Variants in SNX10 observed in about 807,000 individuals in gnomAD.
SNX10 encodes sorting nexin-10.
SNX10 carries 25 observed loss-of-function variants against 28.5 expected under a neutral mutation model. That is an observed-to-expected ratio of 0.88 (90% CI 0.64 to 1.22). The LOEUF (loss-of-function observed/expected upper bound fraction) is 1.22. Ranked by LOEUF, SNX10 falls within the 50% of genes most tolerant of loss-of-function variation. SNX10 has a pLI of 0.00. For missense variants in SNX10, 223 were observed against 242.6 expected (o/e 0.92, Z 0.54); for synonymous variants, 62 against 81.4 (o/e 0.76, Z 1.28).
chr7:26,326,894 TA>T (rs952160530), intron 1 of SNX10, among the ~76,000 whole-genome samples: 13 of 151,660 alleles, frequency 8.6e-5, no homozygotes, highest in African/African-American at 2.9e-4. Context: ...AGGATATATG[TA>T]AAGTGCTTAG....
intron 1 of SNX10, among the ~76,000 whole-genome samples, chr7:26,292,490 G>C (rs982219793): frequency 2.0e-5 from 3 of 152,130 alleles, no homozygotes; most frequent in African/African-American, 7.2e-5. Context: ...ATTCATTAAC[G>C]GGTAGCCTTG....
chr7:26,346,712 G>C (rs747678606), intron 2 of SNX10, among the ~76,000 whole-genome samples: 1 of 152,160 alleles, frequency 6.6e-6, no homozygotes, highest in Non-Finnish European at 1.5e-5. Context: ...ATTCTCCCAG[G>C]CTCTGCCTCC....
chr7:26,368,277 A>C (rs536388019), intron 5 of SNX10, among the ~76,000 whole-genome samples: 1 of 152,284 alleles, frequency 6.6e-6, no homozygotes, highest in East Asian at 1.9e-4. Context: ...AATTAGCAGT[A>C]CTCTTAAATG....
intron 1 of SNX10, among the ~76,000 whole-genome samples, chr7:26,306,412 A>AT (rs35204396): frequency 0.39 from 55,075 of 142,236 alleles, 11,212 homozygotes; most frequent in South Asian, 0.49. Flanking sequence ...CTTGAAGAGA[A>AT]TTTTTTTTTT....
intron 6 of SNX10, 152 bp from the exon 7 acceptor site, chr7:26,372,339 A>G (rs1789587575): frequency 3.0e-6 from 2 of 657,530 alleles, no homozygotes; most frequent in East Asian, 2.5e-5. Flanking sequence ...AAAATACCCA[A>G]CTGCACTCCA....
intron 5 of SNX10, among the ~76,000 whole-genome samples, chr7:26,367,490 TG>T (rs1265161826): frequency 6.6e-6 from 1 of 152,194 alleles, no homozygotes; most frequent in African/African-American, 2.4e-5. Flanking sequence ...TGAAAGCTGG[TG>T]CTTCCACACA....
At chr7:26,359,699 C>G (rs1788988278) in intron 2 of SNX10, among the ~76,000 whole-genome samples, 1 of 150,466 alleles carries the variant, frequency 6.6e-6, no homozygotes, top group African/African-American at 2.4e-5. Context: ...GAGACTTGCT[C>G]TGTCGCCAGG....
In SNX10 at chr7:26,312,843, GA is replaced by G. The variant is rs915845280; in HGVS notation, c.-24+20765del. ...AAAATGCTTGCTCTTATGCATAATT[GA>G]AAAAAAATACTAATTAAATCACATT... On this transcript the variant is annotated intron_variant, in intron 1 of 6. Transcript: ENST00000338523. 1.6e-4 allele frequency among the ~76,000 whole-genome samples: 24 copies of G among 151,510 alleles called. 1 individual carries two copies. Among genetic ancestry groups the G allele is most frequent in the Non-Finnish European group, 2.5e-4 (17 of 67,884 alleles).
chr7:26,372,543 A>C lies in SNX10; in HGVS notation c.577A>C (p.Lys193Gln). The C allele has an allele frequency of 6.2e-7, 1 of 1,608,390 alleles. No homozygotes were observed. Among genetic ancestry groups the C allele is most frequent in the African/African-American group, 1.3e-5 (1 of 74,916 alleles). ...TGATGACAGCAGTTCACATGGATGTAAAGTAAATACAGCTCCGCAGGAATC... is the reference window on the plus strand; with the variant it reads ...TGATGACAGCAGTTCACATGGATGTCAAGTAAATACAGCTCCGCAGGAATC... The part of the protein sequence containing the change: ...SSDDSSSHGC[K>Q]VNTAPQES The change falls in exon 7 of 7, where the codon AAA (lysine) becomes CAA (glutamine). Residue 193 changes from lysine (K) to glutamine (Q), a missense_variant. Lys to Gln is a moderately conservative substitution (Grantham distance 53, BLOSUM62 1). Coordinates refer to ENST00000338523, the MANE Select transcript of SNX10 (RefSeq NM_013322.3).
At chr7:26,314,411 T>C (rs1283868482) in intron 1 of SNX10, among the ~76,000 whole-genome samples, 2 of 152,124 alleles carry the variant, frequency 1.3e-5, no homozygotes, top group Non-Finnish European at 2.9e-5. Context: ...TGTGTCACCA[T>C]GCCTGGCTAA....
chr7:26,357,651 G>A (rs1212829884), intron 2 of SNX10, among the ~76,000 whole-genome samples: 1 of 152,164 alleles, frequency 6.6e-6, no homozygotes, highest in Non-Finnish European at 1.5e-5. Flanking sequence ...CATTAATGTT[G>A]GGCAAGAGGT....
At chr7:26,336,150 G>GT (rs1026487859) in intron 1 of SNX10, among the ~76,000 whole-genome samples, 6 of 152,114 alleles carry the variant, frequency 3.9e-5, no homozygotes, top group Admixed American at 2.0e-4. Context: ...ACTGCTGTTT[G>GT]TTTTTTGTGG....
chr7:26,363,365 A>AC (rs1230279854), intron 3 of SNX10, among the ~76,000 whole-genome samples: 1 of 152,210 alleles, frequency 6.6e-6, no homozygotes, highest in Non-Finnish European at 1.5e-5. Flanking sequence ...AATGCACATA[A>AC]TTACTTAGAT....
chr7:26,353,102 T>C (rs887939442), intron 2 of SNX10, among the ~76,000 whole-genome samples: 6 of 152,186 alleles, frequency 3.9e-5, no homozygotes, highest in Non-Finnish European at 7.3e-5. Flanking sequence ...TTATAAGTCA[T>C]GTAAAAGGCA....
At chr7:26,352,141 T>C (rs1157142121) in intron 2 of SNX10, among the ~76,000 whole-genome samples, 1 of 152,160 alleles carries the variant, frequency 6.6e-6, no homozygotes, top group Non-Finnish European at 1.5e-5. Flanking sequence ...AAATAAAAAG[T>C]TTATTTTAAA....
chr7:26,338,399 C>T lies in SNX10; in HGVS notation c.-23-8021C>T, dbSNP rs1454672598. ...ATTGAAACGGCGAGAGAGTAATTTA[C>T]GCAGACCCCGCTGTGTGGGAGACCA... On this transcript the variant is annotated intron_variant, in intron 1 of 6. Transcript: ENST00000338523. Among the ~76,000 whole-genome samples, 27 of 151,998 alleles carry T rather than the reference C, an allele frequency of 1.8e-4. 1 individual carries two copies. Among genetic ancestry groups the T allele is most frequent in the Admixed American group, 1.6e-3 (25 of 15,248 alleles).
At chr7:26,294,562 C>T (rs1385850638) in intron 1 of SNX10, among the ~76,000 whole-genome samples, 3 of 152,190 alleles carry the variant, frequency 2.0e-5, no homozygotes, top group Non-Finnish European at 4.4e-5. Context: ...TCTCATTAAG[C>T]ATCACAACAG....
intron 1 of SNX10, among the ~76,000 whole-genome samples, chr7:26,305,685 C>T (rs1250652232): frequency 2.6e-5 from 4 of 152,156 alleles, no homozygotes; most frequent in South Asian, 2.1e-4. Context: ...TACAACCAGA[C>T]GCAGACCGGA....
chr7:26,334,815 G>C (rs1173726297), intron 1 of SNX10, among the ~76,000 whole-genome samples: 1 of 152,122 alleles, frequency 6.6e-6, no homozygotes, highest in Non-Finnish European at 1.5e-5. Flanking sequence ...AACTTTAACT[G>C]AATATCAGAG....
Sources: allele counts gnomAD v4.1 joint callset (sites outside exome capture counted in the v4.1 genomes callset), GRCh38; gene constraint gnomAD v4.1.1; transcripts MANE v1.5; gene names NCBI Gene and HGNC (gene_info 2026-07-23, HGNC 2026-07-21).